Variants in SOS1 observed in about 807,000 individuals in gnomAD.
The protein encoded by SOS1 is son of sevenless homolog 1.
SOS1 carries 25 observed loss-of-function variants against 157.6 expected under a neutral mutation model. That is an observed-to-expected ratio of 0.16 (90% CI 0.12 to 0.22). The LOEUF (loss-of-function observed/expected upper bound fraction) is 0.22. Among genes scored for constraint, SOS1 ranks in the 10% least tolerant of loss-of-function variants. The pLI is 1.00. For synonymous variants in SOS1, 528 were observed against 534.0 expected, an observed-to-expected ratio of 0.99 and a Z score of 0.16; for missense variants, 1,237 against 1,599.1, an observed-to-expected ratio of 0.77 and a Z score of 3.86.
chr2:39,095,422 G>A (rs1036734880), intron 1 of SOS1, among the ~76,000 whole-genome samples: 5 of 152,196 alleles, frequency 3.3e-5, no homozygotes, highest in African/African-American at 1.2e-4. Flanking sequence ...TTAGTGCAGA[G>A]AAGAGAGATT....
chr2:39,123,713 G>A (rs1054315412), upstream of SOS1, among the ~76,000 whole-genome samples: 4 of 152,152 alleles, frequency 2.6e-5, no homozygotes, highest in African/African-American at 7.2e-5. Context: ...TATCCCCGGG[G>A]CCTACAATGC....
rs1668414274 is a variant in SOS1, at chr2:38,982,071, T to C, written c.*3753A>G. 6.6e-6 allele frequency: 1 copy of C among 152,210 alleles called. No individual in the cohort carries two copies. The highest frequency in any genetic ancestry group is 1.5e-5 in the Non-Finnish European group (1 of 68,034). 9.4% of individuals were successfully genotyped at this position (152,210 alleles called of 1,614,324 possible). A position where few individuals can be genotyped will look rare whatever the true frequency, so the allele number is the denominator to read the frequency against. Reference sequence around the variant, plus strand: ...CACATGTACCTTCCATCATCTGTTATGCATCTTGTTTCTTTGAGTGGTAGT... The same window carrying C: ...CACATGTACCTTCCATCATCTGTTACGCATCTTGTTTCTTTGAGTGGTAGT... On this transcript the variant is annotated 3_prime_UTR_variant, in exon 23 of 23. Transcript: ENST00000402219.
chr2:39,062,789 C>T (rs952312111), intron 2 of SOS1, among the ~76,000 whole-genome samples: 6 of 151,884 alleles, frequency 4.0e-5, no homozygotes, highest in African/African-American at 1.2e-4. Flanking sequence ...ATATACTTTA[C>T]TAGGGTCAAA....
At chr2:39,069,692 C>A (rs1020281489) in intron 1 of SOS1, among the ~76,000 whole-genome samples, 1 of 151,990 alleles carries the variant, frequency 6.6e-6, no homozygotes, top group African/African-American at 2.4e-5. Context: ...GGATTACAGG[C>A]ACCTGCCACC....
chr2:39,054,450 T>A (rs953417228), intron 5 of SOS1, among the ~76,000 whole-genome samples, 164 bp downstream of exon 5: 2 of 152,218 alleles, frequency 1.3e-5, no homozygotes, highest in Admixed American at 1.3e-4. Context: ...TTTCTAATGT[T>A]AAATCTCTTG....
chr2:39,074,943 T>C (rs1368229391), intron 1 of SOS1, among the ~76,000 whole-genome samples: 3 of 150,442 alleles, frequency 2.0e-5, no homozygotes, highest in East Asian at 2.0e-4. Context: ...AGTTGGACCA[T>C]GGACCAAAAA....
At chr2:39,057,958 C>G (rs1181658039) in intron 3 of SOS1, among the ~76,000 whole-genome samples, 2 of 152,022 alleles carry the variant, frequency 1.3e-5, no homozygotes, top group Non-Finnish European at 2.9e-5. Flanking sequence ...GCCTCTGTCA[C>G]CTCATTTACA....
At chr2:39,122,344 C>A (rs1433576022), upstream of SOS1, among the ~76,000 whole-genome samples, 1 of 151,944 alleles carries the variant, frequency 6.6e-6, no homozygotes, top group Non-Finnish European at 1.5e-5. Flanking sequence ...GCAGGAGAAT[C>A]GCTTGAACCC....
chr2:39,072,887 A>C (rs1370339779), intron 1 of SOS1, among the ~76,000 whole-genome samples: 1 of 152,208 alleles, frequency 6.6e-6, no homozygotes, highest in Non-Finnish European at 1.5e-5. Flanking sequence ...ATAAAACTTA[A>C]AAACTCTAAC....
chr2:39,119,838 G>C (rs1427248951), intron 1 of SOS1, among the ~76,000 whole-genome samples: 1 of 152,178 alleles, frequency 6.6e-6, no homozygotes, highest in Non-Finnish European at 1.5e-5. Flanking sequence ...GGAGAATGAG[G>C]AGTGAATACT....
chr2:39,113,966 C>T (rs1034197009), intron 1 of SOS1, among the ~76,000 whole-genome samples: 2 of 152,254 alleles, frequency 1.3e-5, no homozygotes, highest in African/African-American at 2.4e-5. Context: ...CTTCCATCTT[C>T]TACTATCACA....
chr2:39,086,691 C>A (rs1337696808), intron 1 of SOS1, among the ~76,000 whole-genome samples: 1 of 152,156 alleles, frequency 6.6e-6, no homozygotes, highest in South Asian at 2.1e-4. Flanking sequence ...CGGCTTTTCC[C>A]CACATCTTTC....
rs10634554 is a variant in SOS1 at position 39,024,234 on chromosome 2, T to TCAC, written c.1075-100_1075-98dup. 0.92 allele frequency: 873,469 copies of TCAC among 948,068 alleles called. 403,638 individuals carry two copies. Among genetic ancestry groups the TCAC allele is most frequent in the African/African-American group, 0.97 (58,518 of 60,530 alleles). 58.7% of individuals were successfully genotyped at this position (948,068 alleles called of 1,614,324 possible). A position where few individuals can be genotyped will look rare whatever the true frequency, so the allele number is the denominator to read the frequency against. On this transcript the variant is annotated intron_variant, in intron 8 of 22. Transcript: ENST00000402219. ...GATAAAAATAACATTTATTCAACTG[T>TCAC]CACAATAAAAATTTTAAATGTGTCA... is the stretch of plus-strand genomic sequence containing the variant.
chr2:39,045,794 C>T (rs1038666431), intron 6 of SOS1, among the ~76,000 whole-genome samples: 2 of 152,172 alleles, frequency 1.3e-5, no homozygotes, highest in African/African-American at 2.4e-5. Context: ...ACCGCAACTC[C>T]GCCTCCTGGC....
intron 15 of SOS1, among the ~76,000 whole-genome samples, chr2:39,008,315 C>T (rs1669345158): frequency 6.6e-6 from 1 of 152,188 alleles, no homozygotes; most frequent in Non-Finnish European, 1.5e-5. Flanking sequence ...CCGTCTGCCA[C>T]TCTACCTGCT....
In SOS1 at chr2:38,982,350, G is replaced by T. The variant is rs1374352670; in HGVS notation, c.*3474C>A. On this transcript the variant is annotated 3_prime_UTR_variant, in exon 23 of 23. Coordinates refer to ENST00000402219, the MANE Select transcript of SOS1 (RefSeq NM_005633.4). Reference sequence around the variant, plus strand: ...AATATTTCATTGGCTCATGTATAAGGGATTATGAAATAATCTTAAAAGTTA... The same window carrying T: ...AATATTTCATTGGCTCATGTATAAGTGATTATGAAATAATCTTAAAAGTTA... 1 of 151,858 alleles carries T rather than the reference G, an allele frequency of 6.6e-6. No homozygotes were observed. Among genetic ancestry groups the T allele is most frequent in the Non-Finnish European group, 1.5e-5 (1 of 67,946 alleles). 9.4% of individuals were successfully genotyped at this position (151,858 alleles called of 1,614,324 possible). A position where few individuals can be genotyped will look rare whatever the true frequency, so the allele number is the denominator to read the frequency against.
upstream of SOS1, among the ~76,000 whole-genome samples, chr2:39,122,257 C>G (rs1374156253): frequency 6.6e-6 from 1 of 150,786 alleles, no homozygotes; most frequent in Non-Finnish European, 1.5e-5. Flanking sequence ...CTGTGAAAAC[C>G]TGTCTCCATA....
At chr2:38,989,198 A>C (rs1668644785) in intron 21 of SOS1, 72 bp downstream of exon 21, 2 of 1,039,780 alleles carry the variant, frequency 1.9e-6, no homozygotes, top group Non-Finnish European at 3.0e-6. Flanking sequence ...GAGTTTTAGC[A>C]GGAAAGGTTA....
chr2:39,089,633 T>C (rs759087295), intron 1 of SOS1, among the ~76,000 whole-genome samples: 4 of 151,936 alleles, frequency 2.6e-5, no homozygotes, highest in African/African-American at 7.3e-5. Flanking sequence ...AGCAATAGTA[T>C]TGGATTATAA....
Sources: gnomAD v4.1 joint callset for allele counts (sites outside exome capture counted in the v4.1 genomes callset) on GRCh38, gnomAD v4.1.1 for gene constraint, MANE v1.5 for transcripts, NCBI Gene and HGNC (gene_info 2026-07-23, HGNC 2026-07-21) for gene names.